Variants in MESD observed in about 807,000 individuals in gnomAD.
The protein encoded by MESD is LRP chaperone MESD.
In MESD, 7 loss-of-function variants were observed where a neutral mutation model predicts 12.9. The ratio of observed to expected loss-of-function variants is 0.54; its 90% confidence interval spans 0.31 to 1.02. The LOEUF (loss-of-function observed/expected upper bound fraction) is 1.02. Ranked by LOEUF, MESD falls within the 50% of genes least tolerant of loss-of-function variation. The probability of loss-of-function intolerance (pLI) is 0.05; values close to 1 mark genes in which losing one functional copy is unlikely to be tolerated. For synonymous variants in MESD, 126 were observed against 115.6 expected (o/e 1.09, Z -0.58); for missense variants, 342 against 296.7 (o/e 1.15, Z -1.12).
intron 1 of MESD, among the ~76,000 whole-genome samples, chr15:80,983,522 C>T (rs996820995): frequency 1.3e-5 from 2 of 152,128 alleles, no homozygotes; most frequent in South Asian, 4.1e-4. Context: ...AGAATGAGCC[C>T]TGTGGTATTA....
At chr15:80,967,217 G>A (rs565924012) in intron 3 of MESD, among the ~76,000 whole-genome samples, 13 of 151,468 alleles carry the variant, frequency 8.6e-5, no homozygotes, top group Admixed American at 5.9e-4. Context: ...ACTTGAACCC[G>A]GGAGGTGGAG....
chr15:80,946,811 G>A, downstream of MESD: 1 of 691,056 alleles, frequency 1.4e-6, no homozygotes. Flanking sequence ...CGTCAGCTCA[G>A]AACACAGGAG....
intron 3 of MESD, among the ~76,000 whole-genome samples, chr15:80,961,331 C>A (rs1902084793): frequency 6.7e-6 from 1 of 149,722 alleles, no homozygotes; most frequent in South Asian, 2.1e-4. Context: ...GGCCAGATTA[C>A]ATAAGAAAAA....
exon 4 of MESD, chr15:80,952,223 C>G (rs1176681715): frequency 2.2e-6 from 1 of 456,160 alleles, no homozygotes; most frequent in Non-Finnish European, 4.4e-6. Flanking sequence ...AAAACAGGTC[C>G]AAATCAAACT....
chr15:80,957,386 C>T (rs1180094799), intron 3 of MESD, among the ~76,000 whole-genome samples: 1 of 152,136 alleles, frequency 6.6e-6, no homozygotes, highest in Non-Finnish European at 1.5e-5. Flanking sequence ...CAGTATGTAA[C>T]CAACCTAGGT....
intron 1 of MESD, among the ~76,000 whole-genome samples, chr15:80,984,444 G>A (rs2141815623): frequency 6.6e-6 from 1 of 152,298 alleles, no homozygotes; most frequent in East Asian, 1.9e-4. Context: ...AAGAAATGAA[G>A]TACTGATTGA....
At chr15:80,986,195 C>T (rs559232634) in intron 1 of MESD, among the ~76,000 whole-genome samples, 8 of 152,246 alleles carry the variant, frequency 5.3e-5, no homozygotes, top group South Asian at 2.1e-4. Flanking sequence ...CATTCTCCTT[C>T]GTATGCGGAC....
At chr15:80,970,869 G>A (rs1409057366), downstream of MESD, among the ~76,000 whole-genome samples, 3 of 152,162 alleles carry the variant, frequency 2.0e-5, no homozygotes, top group East Asian at 1.9e-4. Flanking sequence ...GGGGTAGCAC[G>A]GATTCTGGTT....
chr15:80,949,851 G>A (rs932551785), intron 4 of MESD: 1 of 152,334 alleles, frequency 6.6e-6, no homozygotes, highest in African/African-American at 2.4e-5. Context: ...ATTTTGCTGG[G>A]GGGAGATGAG....
At chr15:80,950,608 C>T (rs1173057475) in intron 4 of MESD, 5 of 152,284 alleles carry the variant, frequency 3.3e-5, no homozygotes, top group African/African-American at 9.7e-5. Flanking sequence ...CAGGTGAGGC[C>T]CAGCAGAGGG....
intron 3 of MESD, among the ~76,000 whole-genome samples, chr15:80,963,764 C>T (rs191084279): frequency 4.1e-4 from 63 of 152,168 alleles, no homozygotes; most frequent in Admixed American, 6.5e-4. Flanking sequence ...AAAAGGCCTT[C>T]GAGAAAATTC....
intron 3 of MESD, among the ~76,000 whole-genome samples, chr15:80,957,007 T>G (rs540305722): frequency 4.8e-4 from 73 of 152,150 alleles, no homozygotes; most frequent in African/African-American, 1.7e-3. Flanking sequence ...TATTTTTTTG[T>G]AGAGATGGGG....
intron 4 of MESD, chr15:80,949,155 A>G (rs779631720): frequency 3.4e-6 from 2 of 590,176 alleles, no homozygotes; most frequent in East Asian, 3.0e-5. Context: ...TGCTGGAAAC[A>G]TTCACTTTCC....
At position 80,978,898 on chromosome 15, in the gene MESD, G is replaced by A. The variant is rs1902493891; in HGVS notation, c.*321C>T. The A allele has an allele frequency of 2.8e-6, 1 of 360,616 alleles. No individual in the cohort carries two copies. Among genetic ancestry groups the A allele is most frequent in the Admixed American group, 4.4e-5 (1 of 22,646 alleles). 22.3% of individuals were successfully genotyped at this position (360,616 alleles called of 1,614,324 possible). Reference sequence around the variant, plus strand: ...ACCCAATCACAGCAGGTGCTTGGAGGGGAGTGGAATCTCAGTAGAGTTGAT... The same window carrying A: ...ACCCAATCACAGCAGGTGCTTGGAGAGGAGTGGAATCTCAGTAGAGTTGAT... On this transcript the variant is annotated 3_prime_UTR_variant, in exon 3 of 3. Transcript: ENST00000261758.
At position 80,979,208 on chromosome 15, in the gene MESD, C is replaced by A. The variant is rs772583192; in HGVS notation, c.*11G>T. On this transcript the variant is annotated 3_prime_UTR_variant, in exon 3 of 3. Transcript: ENST00000261758. ...CCACCTGTCCCCCCACAGCGCGTCA[C>A]TGCTGCCCCATCACAGGTCTTCTCT... 3.7e-6 allele frequency: 6 copies of A among 1,611,374 alleles called. No individual in the cohort carries two copies. Among genetic ancestry groups the A allele is most frequent in the South Asian group, 3.3e-5 (3 of 90,744 alleles).
Position 80,961,404 on chromosome 15 carries a change from T to C in MESD, c.*289-9108A>G, listed in dbSNP as rs77888616. Among the ~76,000 whole-genome samples the C allele has an allele frequency of 2.4e-3, 371 of 152,108 alleles. 2 individuals are homozygous for C. Among genetic ancestry groups the C allele is most frequent in the Non-Finnish European group, 4.0e-3 (269 of 67,988 alleles). On this transcript the variant is annotated intron_variant, in intron 3 of 4. Transcript: ENST00000561312. ...CTAAACCTTGTTGGTAATTATAAAA[T>C]GCAAATTGAAACAACAGTGAGATGC...
chr15:80,989,036 C>T (rs1419330374), intron 1 of MESD, among the ~76,000 whole-genome samples: 1 of 152,130 alleles, frequency 6.6e-6, no homozygotes, highest in Non-Finnish European at 1.5e-5. Flanking sequence ...AAAATAAATC[C>T]ACCCACAAAA....
At chr15:80,980,122 C>T (rs570535460) in intron 2 of MESD, among the ~76,000 whole-genome samples, 7 of 152,288 alleles carry the variant, frequency 4.6e-5, no homozygotes, top group South Asian at 4.2e-4. Context: ...CTACACCACG[C>T]GTTCCCCCTT....
intron 4 of MESD, chr15:80,951,952 A>C: frequency 3.2e-6 from 1 of 314,376 alleles, no homozygotes; most frequent in South Asian, 2.7e-5. Context: ...ATATGTCAAG[A>C]TCCTACCTTG....
Sources: gnomAD v4.1 joint callset for allele counts (sites outside exome capture counted in the v4.1 genomes callset) on GRCh38, gnomAD v4.1.1 for gene constraint, MANE v1.5 for transcripts, NCBI Gene and HGNC (gene_info 2026-07-23, HGNC 2026-07-21) for gene names.